Variants in FBN1 observed in about 807,000 individuals in gnomAD.
FBN1 encodes the protein fibrillin 1, also known as fibrillin-1.
Under a neutral mutation model 365.1 loss-of-function variants are expected in FBN1, and 29 were observed. The ratio of observed to expected loss-of-function variants is 0.08; its 90% confidence interval spans 0.06 to 0.11. The LOEUF (loss-of-function observed/expected upper bound fraction) is 0.11. Ranked by LOEUF, FBN1 falls within the 10% of genes least tolerant of loss-of-function variation. The pLI is 1.00. For synonymous variants in FBN1, 1,210 were observed against 1,270.5 expected, an observed-to-expected ratio of 0.95 and a Z score of 1.01; for missense variants, 2,476 against 3,703.2, an observed-to-expected ratio of 0.67 and a Z score of 8.60.
intron 6 of FBN1, among the ~76,000 whole-genome samples, chr15:48,550,273 G>A (rs1283145969): frequency 1.3e-5 from 2 of 152,300 alleles, no homozygotes; most frequent in South Asian, 2.1e-4. Flanking sequence ...AGTGCAGGAA[G>A]GGCAGAGCGT....
chr15:48,596,353 A>G lies in FBN1; in HGVS notation c.468T>C (p.Asn156=), dbSNP rs757577615. The change falls in exon 6 of 66, where the codon AAT becomes AAC. Residue 156 remains asparagine (N), a synonymous_variant. Transcript: ENST00000316623. ...GQPVCESGCL[N]GGRCVAPNRC... ...GATTTGGGGCCACACACCTTCCTCC[A>G]TTGAGACAGCCACTTTCACAAACAG... is the stretch of plus-strand genomic sequence containing the variant. 3.7e-6 allele frequency: 6 copies of G among 1,614,044 alleles called. No homozygotes were observed. The Admixed American group carries it at 8.3e-5, about 22-fold the overall frequency.
intron 2 of FBN1, among the ~76,000 whole-genome samples, chr15:48,620,702 C>T (rs1221295523): frequency 6.6e-6 from 1 of 152,192 alleles, no homozygotes; most frequent in Non-Finnish European, 1.5e-5. Flanking sequence ...AGTTACTCAA[C>T]ATTCCATTAC....
At chr15:48,609,833 A>C (rs2044643469) in intron 4 of FBN1, among the ~76,000 whole-genome samples, 1 of 152,228 alleles carries the variant, frequency 6.6e-6, no homozygotes, top group Non-Finnish European at 1.5e-5. Flanking sequence ...CTAACCTGTT[A>C]ATTGGCTTGT....
intron 6 of FBN1, among the ~76,000 whole-genome samples, chr15:48,561,051 CAA>C (rs1406637075): frequency 6.6e-6 from 1 of 152,080 alleles, no homozygotes; most frequent in Non-Finnish European, 1.5e-5. Flanking sequence ...GACTAGAAAA[CAA>C]AGTCTCAAGA....
At chr15:48,583,894 A>C (rs1288126690) in intron 6 of FBN1, among the ~76,000 whole-genome samples, 1 of 152,202 alleles carries the variant, frequency 6.6e-6, no homozygotes, top group African/African-American at 2.4e-5. Context: ...TTCTTTCTTG[A>C]TGTTGACCTT....
intron 47 of FBN1, among the ~76,000 whole-genome samples, chr15:48,445,783 A>C (rs917695681): frequency 1.3e-5 from 2 of 152,004 alleles, no homozygotes; most frequent in Non-Finnish European, 2.9e-5. Context: ...TTTAGATTTT[A>C]TTTTTAAATT....
intron 30 of FBN1, among the ~76,000 whole-genome samples, chr15:48,484,474 C>T (rs569435899): frequency 3.6e-4 from 55 of 151,920 alleles, no homozygotes; most frequent in African/African-American, 1.2e-3. Context: ...CAGGTTCAAG[C>T]GATTCTCCTG....
intron 45 of FBN1, among the ~76,000 whole-genome samples, chr15:48,449,679 C>T (rs1267626722): frequency 6.6e-6 from 1 of 152,130 alleles, no homozygotes; most frequent in African/African-American, 2.4e-5. Context: ...TTTTAAAGCT[C>T]TATGTTTAGA....
At chr15:48,443,502 A>T (rs182145023) in intron 49 of FBN1, among the ~76,000 whole-genome samples, 1 of 152,340 alleles carries the variant, frequency 6.6e-6, no homozygotes. Context: ...AAAGTAAAAT[A>T]ACATGCTTAA....
At chr15:48,590,267 G>A (rs2044467395) in intron 6 of FBN1, among the ~76,000 whole-genome samples, 1 of 152,204 alleles carries the variant, frequency 6.6e-6, no homozygotes, top group South Asian at 2.1e-4. Context: ...ATCAGCTCCT[G>A]ATTCCATGAA....
At chr15:48,502,378 T>G (rs963882576) in intron 17 of FBN1, among the ~76,000 whole-genome samples, 13 of 152,164 alleles carry the variant, frequency 8.5e-5, no homozygotes, top group African/African-American at 3.1e-4. Flanking sequence ...CATTTAACTT[T>G]CTCTAACTTT....
chr15:48,638,592 T>C (rs1890140328), intron 2 of FBN1, among the ~76,000 whole-genome samples: 1 of 149,986 alleles, frequency 6.7e-6, no homozygotes, highest in Non-Finnish European at 1.5e-5. Context: ...ATTTGCAAAG[T>C]ACAATCATAA....
chr15:48,633,605 C>T (rs117439183), intron 2 of FBN1, among the ~76,000 whole-genome samples: 4,752 of 152,250 alleles, frequency 0.031, 111 homozygotes, highest in Non-Finnish European at 0.043. Context: ...TGGAGGTTCC[C>T]ACTGAGAGCA....
At chr15:48,484,256 AT>A (rs2043488197) in intron 30 of FBN1, among the ~76,000 whole-genome samples, 1 of 152,046 alleles carries the variant, frequency 6.6e-6, no homozygotes, top group Admixed American at 6.6e-5. Context: ...TATTTTCCCT[AT>A]TGTCAAATTA....
chr15:48,541,721 C>T (rs1163277574), intron 6 of FBN1, among the ~76,000 whole-genome samples: 1 of 145,006 alleles, frequency 6.9e-6, no homozygotes, highest in East Asian at 2.0e-4. Flanking sequence ...GCTAAATTTA[C>T]ATACTCTTTT....
intron 2 of FBN1, among the ~76,000 whole-genome samples, chr15:48,618,838 C>T (rs1460694371): frequency 2.3e-4 from 35 of 152,168 alleles, no homozygotes; most frequent in Middle Eastern, 3.4e-3. Context: ...TTGTGAACTG[C>T]GTGTGGGAGG....
chr15:48,631,221 C>A (rs1018447833), intron 2 of FBN1, among the ~76,000 whole-genome samples: 6 of 151,934 alleles, frequency 3.9e-5, no homozygotes, highest in African/African-American at 1.5e-4. Flanking sequence ...AGAAAGAGGA[C>A]ACAGAAGAAG....
At chr15:48,539,547 T>C (rs1264756501) in intron 6 of FBN1, among the ~76,000 whole-genome samples, 1 of 152,234 alleles carries the variant, frequency 6.6e-6, no homozygotes, top group Non-Finnish European at 1.5e-5. Flanking sequence ...AGACTCATGA[T>C]TTCACAGTTA....
At chr15:48,417,123 G>C (rs188713591) in intron 63 of FBN1, among the ~76,000 whole-genome samples, 22 of 152,294 alleles carry the variant, frequency 1.4e-4, no homozygotes, top group Admixed American at 1.2e-3. Context: ...TTATACCACA[G>C]TGCCTCTCAA....
Sources: gnomAD v4.1 joint callset for allele counts (sites outside exome capture counted in the v4.1 genomes callset) on GRCh38, gnomAD v4.1.1 for gene constraint, MANE v1.5 for transcripts, NCBI Gene and HGNC (gene_info 2026-07-23, HGNC 2026-07-21) for gene names.